SIAH2: variants seen among roughly 807,000 people sequenced by gnomAD.
SIAH2 encodes the protein E3 ubiquitin-protein ligase SIAH2.
In SIAH2, 4 loss-of-function variants were observed where a neutral mutation model predicts 20.4. The observed-to-expected ratio is 0.20, with a 90% CI of 0.10 to 0.45. The LOEUF is 0.45. SIAH2 is among the 20% of genes least tolerant of loss of function. The pLI is 0.99. For missense variants in SIAH2, 259 were observed against 440.3 expected (o/e 0.59, Z 3.69); for synonymous variants, 171 against 192.5 (o/e 0.89, Z 0.93).
At chr3:150,761,171 C>T (rs1714601789) in intron 1 of SIAH2, among the ~76,000 whole-genome samples, 1 of 152,146 alleles carries the variant, frequency 6.6e-6, no homozygotes, top group Non-Finnish European at 1.5e-5. Context: ...AGGAGAAATG[C>T]AAGACAGCTT....
intron 1 of SIAH2, among the ~76,000 whole-genome samples, chr3:150,745,032 G>A (rs542324430): frequency 1.3e-4 from 20 of 152,132 alleles, no homozygotes; most frequent in African/African-American, 3.6e-4. Flanking sequence ...TGTGGACAAC[G>A]ATCTCATGTT....
chr3:150,763,075 G>A lies in SIAH2; in HGVS notation c.-226C>T. ...AGCACGCCTCCGCGTCGGACCCCGC[G>A]CGGTGCCCTCCTCCCGGCGGCGTCC... On this transcript the variant is annotated 5_prime_UTR_variant, in exon 1 of 2. Coordinates refer to ENST00000312960, the MANE Select transcript of SIAH2 (RefSeq NM_005067.7). The surrounding 1 kb of genome is among the most constrained non-coding windows in gnomAD (Gnocchi z 4.1). The A allele has an allele frequency of 3.8e-6, 1 of 262,788 alleles. No individual in the cohort carries two copies. The highest frequency in any genetic ancestry group is 6.2e-6 in the Non-Finnish European group (1 of 162,396). The allele number at this position is 262,788 out of a possible 1,614,324, so 16.3% of individuals were successfully genotyped here.
intron 1 of SIAH2, among the ~76,000 whole-genome samples, chr3:150,752,845 C>T (rs544517797): frequency 2.0e-5 from 3 of 152,254 alleles, no homozygotes; most frequent in South Asian, 4.1e-4. Flanking sequence ...ATCACTGTTC[C>T]TCAGAAGGGT....
chr3:150,747,176 C>T (rs975964207), intron 1 of SIAH2, among the ~76,000 whole-genome samples: 1 of 152,230 alleles, frequency 6.6e-6, no homozygotes, highest in Non-Finnish European at 1.5e-5. Flanking sequence ...TCCACAGATA[C>T]ACTGCTTTTG....
intron 1 of SIAH2, among the ~76,000 whole-genome samples, chr3:150,746,942 T>G (rs1714226942): frequency 6.6e-6 from 1 of 152,216 alleles, no homozygotes. Flanking sequence ...TTTTATTCAC[T>G]AGAAGCTGGA....
intron 1 of SIAH2, among the ~76,000 whole-genome samples, chr3:150,745,071 ATT>A (rs1714178073): frequency 6.6e-6 from 1 of 152,062 alleles, no homozygotes; most frequent in Non-Finnish European, 1.5e-5. Context: ...TACATCCTCT[ATT>A]AACTTAAATA....
intron 1 of SIAH2, among the ~76,000 whole-genome samples, chr3:150,745,260 C>T (rs1467704382): frequency 6.6e-6 from 1 of 151,648 alleles, no homozygotes. Flanking sequence ...CACACACACA[C>T]ACACACACAC....
At chr3:150,750,947 C>T (rs1330949328) in intron 1 of SIAH2, among the ~76,000 whole-genome samples, 1 of 152,176 alleles carries the variant, frequency 6.6e-6, no homozygotes, top group Admixed American at 6.5e-5. Flanking sequence ...CTATTATTAA[C>T]AGTGGAAGAG....
chr3:150,762,721 G>C lies in SIAH2; in HGVS notation c.129C>G (p.Pro43=), dbSNP rs1333134351. ...CCGCGGCGGGCACCGCGGACGAGCC[G>C]GGGCCCGCAGCCGAGATGGTGGCGG... ...PAAATISAAG[P]GSSAVPAAAA... is the part of the protein sequence containing the mutation. The change falls in exon 1 of 2, where the codon CCC becomes CCG. Residue 43 remains proline (P), a synonymous_variant. Coordinates refer to ENST00000312960, the MANE Select transcript of SIAH2 (RefSeq NM_005067.7). This position sits in a 1 kb window ranked among gnomAD's most constrained non-coding sequence, Gnocchi z 6.6. The C allele has an allele frequency of 1.7e-6, 2 of 1,195,534 alleles. No homozygotes were observed. Among genetic ancestry groups the C allele is most frequent in the Non-Finnish European group, 1.0e-6 (1 of 960,194 alleles). 74.1% of individuals were successfully genotyped at this position (1,195,534 alleles called of 1,614,324 possible).
At chr3:150,746,007 T>C (rs1714203432) in intron 1 of SIAH2, among the ~76,000 whole-genome samples, 1 of 152,012 alleles carries the variant, frequency 6.6e-6, no homozygotes, top group South Asian at 2.1e-4. Flanking sequence ...GAGGAGGACA[T>C]GGTAAGGAAA....
At chr3:150,746,266 T>C (rs1714210045) in intron 1 of SIAH2, among the ~76,000 whole-genome samples, 2 of 151,994 alleles carry the variant, frequency 1.3e-5, no homozygotes, top group Non-Finnish European at 2.9e-5. Context: ...TGTGGTGGCA[T>C]GCACCTGTAA....
intron 1 of SIAH2, among the ~76,000 whole-genome samples, chr3:150,746,684 C>T (rs574820081): frequency 1.3e-5 from 2 of 152,310 alleles, no homozygotes; most frequent in East Asian, 3.9e-4. Flanking sequence ...GGCAAAATGG[C>T]CCCAGTTGAG....
At chr3:150,755,306 CTTTTTCTTTTCTTCCCTTT>C (rs1714460504) in intron 1 of SIAH2, among the ~76,000 whole-genome samples, 1 of 123,714 alleles carries the variant, frequency 8.1e-6, no homozygotes. Flanking sequence ...GAATATTTTT[CTTTTTCTTTTCTTCCCTTT>C]TTTTTTTTTT....
At chr3:150,758,158 T>G (rs1714524978) in intron 1 of SIAH2, among the ~76,000 whole-genome samples, 1 of 152,208 alleles carries the variant, frequency 6.6e-6, no homozygotes. Context: ...TTTTATGTTA[T>G]TTTTTATTTT....
chr3:150,742,733 T>G lies in SIAH2; in HGVS notation c.418-35A>C. The G allele has an allele frequency of 2.0e-6, 3 of 1,495,032 alleles. No homozygotes were observed. In the South Asian group the frequency reaches 4.1e-5, roughly 20 times the overall value. The allele number at this position is 1,495,032 out of a possible 1,614,324, so 92.6% of individuals were successfully genotyped here. A position where few individuals can be genotyped will look rare whatever the true frequency, so the allele number is the denominator to read the frequency against. ...AAGAAATGCATTGAGCCATTGGGCC[T>G]TCTCAAAACTTCTATTGCTTCAACC... is the stretch of plus-strand genomic sequence containing the variant. On this transcript the variant is annotated intron_variant, in intron 1 of 1. Transcript: ENST00000312960. This position sits in a 1 kb window ranked among gnomAD's most constrained non-coding sequence, Gnocchi z 4.8.
chr3:150,758,934 G>T (rs779025078), intron 1 of SIAH2, among the ~76,000 whole-genome samples: 1 of 151,834 alleles, frequency 6.6e-6, no homozygotes, highest in Non-Finnish European at 1.5e-5. Flanking sequence ...TAGTAGAAAC[G>T]GGGTTTCTCC....
At chr3:150,751,790 C>T (rs895898289) in intron 1 of SIAH2, among the ~76,000 whole-genome samples, 10 of 152,140 alleles carry the variant, frequency 6.6e-5, no homozygotes, top group Non-Finnish European at 8.8e-5. Context: ...AACTCCTAGC[C>T]TCACGTGATC....
chr3:150,742,778 C>T lies in SIAH2; in HGVS notation c.418-80G>A. Reference sequence around the variant, plus strand: ...TCAACCCTCTATGAGTACTTAACTACTCCATTTTCCTGGGCTTAAACTGTG... The same window carrying T: ...TCAACCCTCTATGAGTACTTAACTATTCCATTTTCCTGGGCTTAAACTGTG... On this transcript the variant is annotated intron_variant, in intron 1 of 1. Coordinates refer to ENST00000312960, the MANE Select transcript of SIAH2 (RefSeq NM_005067.7). The surrounding 1 kb of genome is among the most constrained non-coding windows in gnomAD (Gnocchi z 4.8). The T allele has an allele frequency of 8.4e-7, 1 of 1,185,572 alleles. No homozygotes were observed. Among genetic ancestry groups the T allele is most frequent in the Non-Finnish European group, 1.2e-6 (1 of 861,156 alleles). 73.4% of individuals were successfully genotyped at this position (1,185,572 alleles called of 1,614,324 possible).
At position 150,754,472 on chromosome 3, in the gene SIAH2, C is replaced by T. The variant is rs77974295; in HGVS notation, c.417+7961G>A. 7.3e-3 allele frequency among the ~76,000 whole-genome samples: 1,112 copies of T among 152,286 alleles called. 12 individuals are homozygous for T. The highest frequency in any genetic ancestry group is 0.011 in the Non-Finnish European group (745 of 68,016). On this transcript the variant is annotated intron_variant, in intron 1 of 1. Transcript: ENST00000312960. ...GAAATCCACCCCCAAGATCCAACCA[C>T]CTGCCCCAGGCCCCACCTCCAACAT... is the stretch of plus-strand genomic sequence containing the variant.
Sources: gnomAD v4.1 joint callset for allele counts (sites outside exome capture counted in the v4.1 genomes callset) on GRCh38, gnomAD v4.1.1 for gene constraint, Gnocchi (gnomAD v3.1) non-coding constraint, MANE v1.5 for transcripts, NCBI Gene and HGNC (gene_info 2026-07-23, HGNC 2026-07-21) for gene names.